The following ZNF34 variants were observed in gnomAD, a reference collection of about 807,000 sequenced individuals.
The protein encoded by ZNF34 is zinc finger protein 34 (KOX 32).
A neutral mutation model predicts 14.4 loss-of-function variants in ZNF34; 8 were observed. The observed-to-expected ratio is 0.55, with a 90% CI of 0.33 to 1.00. ZNF34 has a LOEUF of 1.00. ZNF34 is among the 50% of genes least tolerant of loss of function. ZNF34 has a pLI of 0.03. For missense variants in ZNF34, 538 were observed against 674.2 expected, an observed-to-expected ratio of 0.80 and a Z score of 2.24; for synonymous variants, 235 against 247.9, an observed-to-expected ratio of 0.95 and a Z score of 0.49.
intron 1 of ZNF34, among the ~76,000 whole-genome samples, chr8:144,783,624 G>A (rs1191713184): frequency 1.3e-5 from 2 of 151,928 alleles, no homozygotes; most frequent in African/African-American, 4.8e-5. Flanking sequence ...AAACTATACA[G>A]TACATTAAGT....
At chr8:144,784,458 T>TAAAA (rs397891745) in intron 1 of ZNF34, among the ~76,000 whole-genome samples, 4 of 126,250 alleles carry the variant, frequency 3.2e-5, no homozygotes, top group African/African-American at 6.0e-5. Context: ...ACCTAAACAT[T>TAAAA]AAAAAAAAAA....
rs1825258992 is a variant in ZNF34 at position 144,773,082 on chromosome 8, G to A, written c.*184C>T. 1.6e-6 allele frequency: 1 copy of A among 638,548 alleles called. No homozygotes were observed. The highest frequency in any genetic ancestry group is 2.4e-6 in the Non-Finnish European group (1 of 414,692). The allele number at this position is 638,548 out of a possible 1,614,324, so 39.6% of individuals were successfully genotyped here. ...AAGCTTCTTTTTTGCCCACTTTTCT[G>A]TCTCAATTTCTCTAAAATGAACATG... On this transcript the variant is annotated 3_prime_UTR_variant, in exon 6 of 6. Coordinates refer to ENST00000429371, the MANE Select transcript of ZNF34 (RefSeq NM_001286769.2). The surrounding 1 kb of genome is among the most constrained non-coding windows in gnomAD (Gnocchi z 5.4).
rs1184225916 is a variant in ZNF34 at position 144,779,490 on chromosome 8, C to T, written c.-55+738G>A. ...TCACAGCCTCCATACTAGCGTTGGC[C>T]CCCTGGACCCACCTTAAGTACTCTT... On this transcript the variant is annotated intron_variant, in intron 2 of 5. Coordinates refer to ENST00000429371, the MANE Select transcript of ZNF34 (RefSeq NM_001286769.2). The surrounding 1 kb of genome is among the most constrained non-coding windows in gnomAD (Gnocchi z 4.1). 2.0e-5 allele frequency among the ~76,000 whole-genome samples: 3 copies of T among 152,240 alleles called. 1 individual carries two copies. The South Asian group carries it at 6.2e-4, about 32-fold the overall frequency.
In ZNF34 at chr8:144,783,939, A is replaced by T. The variant is rs138278744; in HGVS notation, c.-108+3340T>A. On this transcript the variant is annotated intron_variant, in intron 1 of 5. Coordinates refer to ENST00000429371, the MANE Select transcript of ZNF34 (RefSeq NM_001286769.2). ...CAGCACTTTGGGAGGCCAAGGCGGGAGGATCACGAGGTCAGATCGAGACCA... is the reference window on the plus strand; with the variant it reads ...CAGCACTTTGGGAGGCCAAGGCGGGTGGATCACGAGGTCAGATCGAGACCA... Among the ~76,000 whole-genome samples the T allele has an allele frequency of 2.2e-4, 34 of 151,952 alleles. No homozygotes were observed. In the South Asian group the frequency reaches 3.7e-3, roughly 17 times the overall value.
intron 3 of ZNF34, 75 bp downstream of exon 3, chr8:144,778,364 A>T (rs985006618): frequency 4.2e-6 from 6 of 1,425,190 alleles, no homozygotes; most frequent in Non-Finnish European, 5.6e-6. Flanking sequence ...ATCCCAAACC[A>T]GAGACACCTG....
At position 144,773,187 on chromosome 8, in the gene ZNF34, C is replaced by A. The variant is rs1312577105; in HGVS notation, c.*79G>T. ...CTGTGAAAACATCGTGTGGATAATA[C>A]ATAAAGGGCAGAGTCAGGTGCCGGG... On this transcript the variant is annotated 3_prime_UTR_variant, in exon 6 of 6. Transcript: ENST00000429371. The surrounding 1 kb of genome is among the most constrained non-coding windows in gnomAD (Gnocchi z 5.4). 13 of 1,427,166 alleles carry A rather than the reference C, an allele frequency of 9.1e-6. No homozygotes were observed. The East Asian group carries it at 3.1e-4, about 34-fold the overall frequency. 88.4% of individuals were successfully genotyped at this position (1,427,166 alleles called of 1,614,324 possible). A position where few individuals can be genotyped will look rare whatever the true frequency, so the allele number is the denominator to read the frequency against.
At chr8:144,782,854 A>C (rs865983090) in intron 1 of ZNF34, among the ~76,000 whole-genome samples, 4 of 118,738 alleles carry the variant, frequency 3.4e-5, no homozygotes, top group Admixed American at 8.8e-5. Flanking sequence ...AAAAAAAAAA[A>C]AAAAAAAAAA....
chr8:144,782,359 G>A (rs1364946918), intron 1 of ZNF34, among the ~76,000 whole-genome samples: 4 of 149,758 alleles, frequency 2.7e-5, no homozygotes, highest in South Asian at 2.1e-4. Context: ...GCATGGTGGC[G>A]TGAACCTGTA....
intron 1 of ZNF34, among the ~76,000 whole-genome samples, chr8:144,783,082 T>C (rs1287668314): frequency 6.6e-6 from 1 of 151,712 alleles, no homozygotes. Context: ...GGAAGATGGC[T>C]TGAACCCAGG....
intron 5 of ZNF34, among the ~76,000 whole-genome samples, chr8:144,776,045 G>A (rs943294291): frequency 1.3e-5 from 2 of 152,240 alleles, no homozygotes; most frequent in Admixed American, 1.3e-4. Context: ...TGTCAGCCAG[G>A]CACAGTGGCT....
intron 1 of ZNF34, among the ~76,000 whole-genome samples, chr8:144,781,516 A>C (rs1825887772): frequency 6.6e-6 from 1 of 152,070 alleles, no homozygotes; most frequent in South Asian, 2.1e-4. Context: ...TTGGCCTCCC[A>C]AAGTGCTGGG....
chr8:144,777,713 C>T lies in ZNF34; in HGVS notation c.161-136G>A. On this transcript the variant is annotated intron_variant, in intron 4 of 5. Coordinates refer to ENST00000429371, the MANE Select transcript of ZNF34 (RefSeq NM_001286769.2). This position sits in a 1 kb window ranked among gnomAD's most constrained non-coding sequence, Gnocchi z 4.8. Reference sequence around the variant, plus strand: ...AAGCCTGGACACTCTCTGGAGGGCACTGAGATTGGGCTGGGGCAGTCCTGA... The same window carrying T: ...AAGCCTGGACACTCTCTGGAGGGCATTGAGATTGGGCTGGGGCAGTCCTGA... 15 of 1,147,650 alleles carry T rather than the reference C, an allele frequency of 1.3e-5. No individual in the cohort carries two copies. The highest frequency in any genetic ancestry group is 1.8e-5 in the Non-Finnish European group (15 of 825,972). The allele number at this position is 1,147,650 out of a possible 1,614,324, so 71.1% of individuals were successfully genotyped here.
rs372340446 is a variant in ZNF34, at chr8:144,774,198, G to C, written c.688C>G (p.His230Asp). 6.2e-7 allele frequency: 1 copy of C among 1,613,678 alleles called. No individual in the cohort carries two copies. Among genetic ancestry groups the C allele is most frequent in the African/African-American group, 1.3e-5 (1 of 75,034 alleles). Residue 230 changes from histidine (H) to aspartate (D), a missense_variant, in exon 6 of 6, where the codon CAT becomes GAT. By Grantham distance (81) the His-to-Asp change is moderately conservative (BLOSUM62 -1). This residue lies in a region of ZNF34 where 431 missense variants were observed against 525.7 expected (regional missense o/e 0.82). Transcript: ENST00000429371. ...DQKIPTGKKL[H>D]YCSYCGKTFR... ...GTTTTCCCACAGTAACTGCAATAAT[G>C]CAATTTTTTCCCAGTAGGAATTTTC...
chr8:144,783,653 T>A (rs1272398755), intron 1 of ZNF34, among the ~76,000 whole-genome samples: 1 of 152,188 alleles, frequency 6.6e-6, no homozygotes, highest in Non-Finnish European at 1.5e-5. Flanking sequence ...AAGATATGTA[T>A]GTAATGAACA....
rs760732174 is a variant in ZNF34 at position 144,773,947 on chromosome 8, G to A, written c.939C>T (p.Pro313=). The A allele has an allele frequency of 6.2e-7, 1 of 1,614,062 alleles. No homozygotes were observed. Among genetic ancestry groups the A allele is most frequent in the Non-Finnish European group, 8.5e-7 (1 of 1,180,034 alleles). ...GCTTCCCACACTCCCCACACTTGTA[G>A]GGTTTCTCCCCAGTGTGAATCCTCT... The part of the protein sequence containing the change: ...KHQRIHTGEK[P]YKCGECGKHF... The change falls in exon 6 of 6, where the codon CCC becomes CCT. Residue 313 remains proline, a synonymous_variant. Coordinates refer to ENST00000429371, the MANE Select transcript of ZNF34 (RefSeq NM_001286769.2). This position sits in a 1 kb window ranked among gnomAD's most constrained non-coding sequence, Gnocchi z 5.4.
At chr8:144,776,086 G>T (rs1825494415) in intron 5 of ZNF34, among the ~76,000 whole-genome samples, 2 of 152,206 alleles carry the variant, frequency 1.3e-5, no homozygotes, top group Admixed American at 1.3e-4. Context: ...GGCCAAGGCA[G>T]GCGGATCACA....
In ZNF34 at chr8:144,773,489, C is replaced by T. The variant is rs1205563498; in HGVS notation, c.1397G>A (p.Ser466Asn). ...CSECGKAFHNSSRLIHHQRLH... is the reference protein window; with the variant it reads ...CSECGKAFHNNSRLIHHQRLH... ...CCTCTGGTGGTGGATGAGTCTGGAACTGTTGTGGAAGGCCTTCCCACACTC... is the reference window on the plus strand; with the variant it reads ...CCTCTGGTGGTGGATGAGTCTGGAATTGTTGTGGAAGGCCTTCCCACACTC... Residue 466 changes from serine (S) to asparagine (N), a missense_variant, in exon 6 of 6, where the codon AGT (serine) becomes AAT (asparagine). By Grantham distance (46) the Ser-to-Asn change is conservative. This residue lies in a region of ZNF34 where 101 missense variants were observed against 123.1 expected (regional missense o/e 0.82). Coordinates refer to ENST00000429371, the MANE Select transcript of ZNF34 (RefSeq NM_001286769.2). The surrounding 1 kb of genome is among the most constrained non-coding windows in gnomAD (Gnocchi z 5.4). 6.2e-7 allele frequency: 1 copy of T among 1,614,064 alleles called. No homozygotes were observed. Among genetic ancestry groups the T allele is most frequent in the South Asian group, 1.1e-5 (1 of 91,084 alleles).
At chr8:144,778,336 C>T (rs948883632) in intron 3 of ZNF34, 103 bp downstream of exon 3, 3 of 1,382,278 alleles carry the variant, frequency 2.2e-6, no homozygotes, top group Non-Finnish European at 2.9e-6. Flanking sequence ...TCAGGGCCAC[C>T]CCTACCATCA....
At chr8:144,783,121 A>C (rs536932868) in intron 1 of ZNF34, among the ~76,000 whole-genome samples, 2 of 151,844 alleles carry the variant, frequency 1.3e-5, no homozygotes, top group South Asian at 4.2e-4. Context: ...CTCTACAAAA[A>C]ATAAAAAAAA....
Sources: gnomAD v4.1 joint callset for allele counts (sites outside exome capture counted in the v4.1 genomes callset) on GRCh38, gnomAD v4.1.1 for gene constraint, gnomAD v4.1.1 regional missense constraint, Gnocchi (gnomAD v3.1) non-coding constraint, MANE v1.5 for transcripts, NCBI Gene and HGNC (gene_info 2026-07-23, HGNC 2026-07-21) for gene names.